PTPRG: variants seen among roughly 807,000 people sequenced by gnomAD.
PTPRG encodes receptor-type tyrosine-protein phosphatase gamma.
PTPRG carries 102 observed loss-of-function variants against 165.3 expected under a neutral mutation model. The observed-to-expected ratio is 0.62, with a 90% confidence interval of 0.53 to 0.73. The LOEUF is 0.73. Among genes scored for constraint, PTPRG ranks in the 30% least tolerant of loss-of-function variants. The probability of loss-of-function intolerance (pLI) is 0.00; values close to 1 mark genes in which losing one functional copy is unlikely to be tolerated. For missense variants in PTPRG, 1,866 were observed against 1,861.4 expected, an observed-to-expected ratio of 1.00 and a Z score of -0.05; for synonymous variants, 675 against 669.5, an observed-to-expected ratio of 1.01 and a Z score of -0.13.
chr3:62,151,976 C>A (rs369772080), intron 6 of PTPRG, among the ~76,000 whole-genome samples: 6 of 152,120 alleles, frequency 3.9e-5, no homozygotes, highest in East Asian at 1.9e-4. Flanking sequence ...GTTAAATAAC[C>A]CTTCTCAAGT....
intron 1 of PTPRG, among the ~76,000 whole-genome samples, chr3:61,714,884 G>A (rs958672171): frequency 1.3e-5 from 2 of 152,148 alleles, no homozygotes; most frequent in African/African-American, 4.8e-5. Context: ...TCCATTACTG[G>A]TACCTGAGTC....
intron 6 of PTPRG, among the ~76,000 whole-genome samples, chr3:62,142,738 T>C (rs1013828016): frequency 1.3e-5 from 2 of 152,038 alleles, no homozygotes; most frequent in African/African-American, 4.8e-5. Flanking sequence ...GAGGTAACTC[T>C]GAGAGCAAAT....
chr3:62,119,859 C>T (rs937900055), intron 5 of PTPRG, among the ~76,000 whole-genome samples: 3 of 142,328 alleles, frequency 2.1e-5, no homozygotes, highest in African/African-American at 7.9e-5. Flanking sequence ...TGGTCTCGAT[C>T]TCCTGACCTC....
At chr3:61,633,699 T>C (rs1370783997) in intron 1 of PTPRG, among the ~76,000 whole-genome samples, 1 of 152,198 alleles carries the variant, frequency 6.6e-6, no homozygotes, top group African/African-American at 2.4e-5. Flanking sequence ...GCCTAATTGC[T>C]CTGGCTAGAA....
At chr3:61,727,241 G>A (rs2032304973) in intron 1 of PTPRG, among the ~76,000 whole-genome samples, 3 of 150,986 alleles carry the variant, frequency 2.0e-5, no homozygotes, top group South Asian at 4.2e-4. Flanking sequence ...GGAGTAGTGC[G>A]GTGGAGTGAT....
intron 2 of PTPRG, among the ~76,000 whole-genome samples, chr3:61,940,725 G>A (rs185708013): frequency 2.2e-3 from 328 of 151,022 alleles, no homozygotes; most frequent in Non-Finnish European, 3.0e-3. Context: ...GTGCAGTGGC[G>A]CGATCTTGGC....
chr3:61,766,667 A>C (rs1288087126), intron 2 of PTPRG, among the ~76,000 whole-genome samples: 1 of 149,956 alleles, frequency 6.7e-6, no homozygotes. Flanking sequence ...CCCAGATTGG[A>C]GTGTGGTGTC....
At chr3:61,860,690 C>T (rs565032770) in intron 2 of PTPRG, among the ~76,000 whole-genome samples, 39 of 152,112 alleles carry the variant, frequency 2.6e-4, no homozygotes, top group Middle Eastern at 3.4e-3. Context: ...GTGATCCACC[C>T]GCCTCAGCCT....
chr3:62,068,615 A>G (rs1701099333), intron 4 of PTPRG, among the ~76,000 whole-genome samples: 1 of 152,052 alleles, frequency 6.6e-6, no homozygotes, highest in African/African-American at 2.4e-5. Context: ...AGCTAGAACT[A>G]CTGGTCTATG....
At chr3:62,082,178 C>A (rs1162577411) in intron 5 of PTPRG, among the ~76,000 whole-genome samples, 1 of 152,230 alleles carries the variant, frequency 6.6e-6, no homozygotes, top group Admixed American at 6.5e-5. Context: ...TGATTTACTT[C>A]ATGTACTAGA....
intron 5 of PTPRG, among the ~76,000 whole-genome samples, chr3:62,079,791 A>C (rs989196977): frequency 3.3e-5 from 5 of 152,214 alleles, no homozygotes; most frequent in African/African-American, 1.2e-4. Context: ...TAGTTATTTA[A>C]ACTTTTCAAT....
chr3:61,753,593 T>TTTTC, intron 2 of PTPRG: 1 of 440,598 alleles, frequency 2.3e-6, no homozygotes, highest in Non-Finnish European at 4.5e-6. Context: ...GGGTTTTTTT[T>TTTTC]TTTTTTTTGG....
intron 2 of PTPRG, among the ~76,000 whole-genome samples, chr3:61,849,011 A>G (rs2036884154): frequency 6.6e-6 from 1 of 152,220 alleles, no homozygotes; most frequent in African/African-American, 2.4e-5. Flanking sequence ...ATTTCATTAA[A>G]CATTGTTCAA....
At chr3:61,742,116 A>G (rs1458140103) in intron 1 of PTPRG, among the ~76,000 whole-genome samples, 1 of 152,182 alleles carries the variant, frequency 6.6e-6, no homozygotes, top group Non-Finnish European at 1.5e-5. Context: ...GCAAATTAAC[A>G]CAGAAGAGTT....
In PTPRG at chr3:61,820,603, GTTTTTTTTTTTTT is replaced by G. The variant is rs11329820; in HGVS notation, c.190+71635_190+71647del. Among the ~76,000 whole-genome samples, 119 of 65,740 alleles carry G rather than the reference GTTTTTTTTTTTTT, an allele frequency of 1.8e-3. 1 individual carries two copies. Among genetic ancestry groups the G allele is most frequent in the Admixed American group, 3.6e-3 (20 of 5,522 alleles). 43.1% of individuals were successfully genotyped at this position (65,740 alleles called of 152,430 possible). ...TTTAATTTCTTGTTCCTGTGTCTCTGTTTTTTTTTTTTTTTTTTTTTTTTTTACTGTGGCTTTA... is the reference window on the plus strand; with the variant it reads ...TTTAATTTCTTGTTCCTGTGTCTCTGTTTTTTTTTTTTTACTGTGGCTTTA... On this transcript the variant is annotated intron_variant, in intron 2 of 29. Coordinates refer to ENST00000474889, the MANE Select transcript of PTPRG (RefSeq NM_002841.4).
chr3:61,814,921 A>C (rs961903144), intron 2 of PTPRG, among the ~76,000 whole-genome samples: 12 of 151,942 alleles, frequency 7.9e-5, no homozygotes, highest in African/African-American at 2.9e-4. Flanking sequence ...TTTCATAAAT[A>C]AAGATGCTGA....
chr3:61,938,619 T>A (rs2039538132), intron 2 of PTPRG, among the ~76,000 whole-genome samples: 1 of 152,232 alleles, frequency 6.6e-6, no homozygotes, highest in South Asian at 2.1e-4. Flanking sequence ...TTCAGAAGTG[T>A]CTGCTAATGA....
At position 62,269,277 on chromosome 3, in the gene PTPRG, T is replaced by C. The variant is rs571205834; in HGVS notation, c.3009+108T>C. 4 of 1,180,520 alleles carry C rather than the reference T, an allele frequency of 3.4e-6. No homozygotes were observed. In the South Asian group the frequency reaches 8.5e-5, roughly 25 times the overall value. 73.1% of individuals were successfully genotyped at this position (1,180,520 alleles called of 1,614,324 possible). On this transcript the variant is annotated intron_variant, in intron 20 of 29. Transcript: ENST00000474889. The stretch of plus-strand genomic sequence containing the variant: ...CATAACCAACTTGGTTTTTAAAAAG[T>C]ATTTTTAAAACATTTTTTCATAACT...
intron 4 of PTPRG, among the ~76,000 whole-genome samples, chr3:62,015,364 G>T (rs1198241842): frequency 6.6e-6 from 1 of 152,212 alleles, no homozygotes. Context: ...GATAGGCAGT[G>T]TGATGGTGTG....
Sources: allele counts gnomAD v4.1 joint callset (sites outside exome capture counted in the v4.1 genomes callset), GRCh38; gene constraint gnomAD v4.1.1; transcripts MANE v1.5; gene names NCBI Gene and HGNC (gene_info 2026-07-23, HGNC 2026-07-21).